VIPR1: variants seen among roughly 807,000 people sequenced by gnomAD.
VIPR1 encodes the protein vasoactive intestinal peptide receptor 1, also known as vasoactive intestinal polypeptide receptor 1.
Under a neutral mutation model 58.8 loss-of-function variants are expected in VIPR1, and 59 were observed. That is an observed-to-expected ratio of 1.00 (90% CI 0.81 to 1.25). The LOEUF is 1.25. Ranked by LOEUF, VIPR1 falls within the 50% of genes most tolerant of loss-of-function variation. VIPR1 has a pLI of 0.00. For missense variants in VIPR1, 626 were observed against 602.7 expected, an observed-to-expected ratio of 1.04 and a Z score of -0.40; for synonymous variants, 251 against 242.1, an observed-to-expected ratio of 1.04 and a Z score of -0.34.
At chr3:42,507,206 G>C (rs751535254) in intron 1 of VIPR1, 3 of 152,218 alleles carry the variant, frequency 2.0e-5, no homozygotes, top group Admixed American at 6.5e-5. Flanking sequence ...GGAATGTAAT[G>C]AAGTGCCACA....
intron 1 of VIPR1, chr3:42,507,311 C>A (rs910769275): frequency 6.6e-6 from 1 of 152,264 alleles, no homozygotes; most frequent in Non-Finnish European, 1.5e-5. Flanking sequence ...AGGGAGAAAG[C>A]AGGGTGCCTT....
chr3:42,525,848 C>T (rs756818716), intron 3 of VIPR1, 39 bp from the exon 4 acceptor site: 38 of 1,553,152 alleles, frequency 2.4e-5, no homozygotes, highest in Middle Eastern at 1.7e-4. Context: ...CCCATGCTCC[C>T]GGCCTCAGCC....
chr3:42,515,366 GTGGCTGGGCCTGC>G (rs1559485308), intron 2 of VIPR1, among the ~76,000 whole-genome samples: 1 of 152,154 alleles, frequency 6.6e-6, no homozygotes, highest in East Asian at 1.9e-4. Flanking sequence ...GGGTCACGGG[GTGGCTGGGCCTGC>G]CCACTACCTA....
chr3:42,532,481 C>T (rs780358109), intron 10 of VIPR1, 148 bp downstream of exon 10: 1 of 809,322 alleles, frequency 1.2e-6, no homozygotes, highest in Non-Finnish European at 2.0e-6. Context: ...TGGCCTGGCT[C>T]AGCCCACCAC....
intron 1 of VIPR1, among the ~76,000 whole-genome samples, chr3:42,497,175 C>A (rs1235332388): frequency 2.0e-5 from 3 of 152,104 alleles, no homozygotes; most frequent in Non-Finnish European, 4.4e-5. Context: ...CTGAGTTCTC[C>A]CTGGGCTAAG....
chr3:42,527,584 C>T (rs966612482), intron 5 of VIPR1, 88 bp downstream of exon 5: 5 of 1,272,624 alleles, frequency 3.9e-6, no homozygotes, highest in Admixed American at 1.8e-5. Context: ...AGGCGTGCCC[C>T]GACCCCTCCA....
chr3:42,516,379 G>A (rs2125649725), intron 2 of VIPR1, among the ~76,000 whole-genome samples: 1 of 152,292 alleles, frequency 6.6e-6, no homozygotes, highest in South Asian at 2.1e-4. Flanking sequence ...CTGCTTCCCT[G>A]ACCATGTCCC....
At chr3:42,523,570 A>G (rs1701064932) in intron 3 of VIPR1, among the ~76,000 whole-genome samples, 2 of 149,380 alleles carry the variant, frequency 1.3e-5, no homozygotes, top group African/African-American at 5.0e-5. Flanking sequence ...TCCTAGCCCT[A>G]ACACATTAAT....
At chr3:42,512,546 G>A (rs944279549) in intron 1 of VIPR1, among the ~76,000 whole-genome samples, 11 of 152,122 alleles carry the variant, frequency 7.2e-5, no homozygotes, top group Non-Finnish European at 1.3e-4. Flanking sequence ...TTCTTCCCAC[G>A]GACCCACTTC....
chr3:42,532,224 CG>C lies in VIPR1; in HGVS notation c.919-15del, dbSNP rs755152768. On this transcript the variant is annotated splice_polypyrimidine_tract_variant and intron_variant, in intron 9 of 12. Coordinates refer to ENST00000325123, the MANE Select transcript of VIPR1 (RefSeq NM_004624.4). Reference sequence around the variant, plus strand: ...CCTTCCCGCTCTGACTGCCCGAACTCGGGTCCCCACCCACTAGGTAAACTTC... The same window carrying C: ...CCTTCCCGCTCTGACTGCCCGAACTCGGTCCCCACCCACTAGGTAAACTTC... 67 of 1,613,636 alleles carry C rather than the reference CG, an allele frequency of 4.2e-5. No homozygotes were observed. The South Asian group carries it at 7.0e-4, about 17-fold the overall frequency.
intron 3 of VIPR1, among the ~76,000 whole-genome samples, chr3:42,523,776 TC>T (rs1242058393): frequency 6.6e-6 from 1 of 151,966 alleles, no homozygotes; most frequent in African/African-American, 2.4e-5. Flanking sequence ...AGCCCAAAGC[TC>T]CAGTGTCCCA....
chr3:42,527,508 C>A lies in VIPR1; in HGVS notation c.503+12C>A. 2 of 1,612,210 alleles carry A rather than the reference C, an allele frequency of 1.2e-6. No individual in the cohort carries two copies. Among genetic ancestry groups the A allele is most frequent in the Non-Finnish European group, 8.5e-7 (1 of 1,179,228 alleles). The stretch of plus-strand genomic sequence containing the variant: ...CTGAGCCTGTTCAGGTGAGGCCCAG[C>A]CCAAGTCACAGGCCTCAAAGCAAAC... On this transcript the variant is annotated intron_variant, in intron 5 of 12. Transcript: ENST00000325123.
In VIPR1 at chr3:42,537,017, G is replaced by A. The variant is rs342511; in HGVS notation, c.*736G>A. ...CAGCCACCAGCGAATGCTAGGTCTC[G>A]GACTAAGCCTACCTGCTCTCCAAGT... On this transcript the variant is annotated 3_prime_UTR_variant, in exon 13 of 13. Coordinates refer to ENST00000325123, the MANE Select transcript of VIPR1 (RefSeq NM_004624.4). 92,949 of 152,026 alleles carry A rather than the reference G, an allele frequency of 0.61. 29,690 individuals carry two copies. Among genetic ancestry groups the A allele is most frequent in the African/African-American group, 0.81 (33,468 of 41,484 alleles). The allele number at this position is 152,026 out of a possible 1,614,324, so 9.4% of individuals were successfully genotyped here.
chr3:42,524,566 G>C (rs1439124757), intron 3 of VIPR1, among the ~76,000 whole-genome samples: 1 of 152,162 alleles, frequency 6.6e-6, no homozygotes, highest in East Asian at 1.9e-4. Flanking sequence ...CATGAAGTAG[G>C]GTGACAAGAC....
At chr3:42,516,853 T>C (rs1559486106) in intron 2 of VIPR1, 1 of 152,314 alleles carries the variant, frequency 6.6e-6, no homozygotes, top group East Asian at 1.9e-4. Context: ...AATGGAAGCA[T>C]TAAATAAGTT....
chr3:42,500,127 A>G (rs1240887712), upstream of VIPR1: 1 of 152,230 alleles, frequency 6.6e-6, no homozygotes, highest in Admixed American at 6.5e-5. Context: ...CAAGGAAACA[A>G]TTATTTCTGA....
upstream of VIPR1, among the ~76,000 whole-genome samples, chr3:42,499,345 C>T (rs907106902): frequency 1.3e-5 from 2 of 152,294 alleles, no homozygotes; most frequent in Non-Finnish European, 1.5e-5. Flanking sequence ...CGGCACACAG[C>T]GCATGGATGA....
At chr3:42,502,361 T>G, upstream of VIPR1, 1 of 175,256 alleles carries the variant, frequency 5.7e-6, no homozygotes. Context: ...GAGCTAAGCA[T>G]GGAAGGATGG....
intron 5 of VIPR1, chr3:42,527,723 A>G: frequency 1.6e-6 from 1 of 631,896 alleles, no homozygotes; most frequent in Non-Finnish European, 2.7e-6. Context: ...ACCTGGGGAC[A>G]GGGCACCAGA....
Sources: gnomAD v4.1 joint callset for allele counts (sites outside exome capture counted in the v4.1 genomes callset) on GRCh38, gnomAD v4.1.1 for gene constraint, MANE v1.5 for transcripts, NCBI Gene and HGNC (gene_info 2026-07-23, HGNC 2026-07-21) for gene names.